Variants in TTC23 observed in about 807,000 individuals in gnomAD.
TTC23 encodes the protein tetratricopeptide repeat domain 23, also known as tetratricopeptide repeat protein 23.
In TTC23, 58 loss-of-function variants were observed where a neutral mutation model predicts 55.1. That is an observed-to-expected ratio of 1.05 (90% confidence interval 0.85 to 1.31). The LOEUF is 1.31. TTC23 is among the 50% of genes most tolerant of loss of function. TTC23 has a pLI of 0.00. For missense variants in TTC23, 516 were observed against 534.4 expected (o/e 0.97, Z 0.34); for synonymous variants, 203 against 199.9 (o/e 1.02, Z -0.13).
At chr15:99,210,515 A>C (rs970362346) in intron 8 of TTC23, among the ~76,000 whole-genome samples, 3 of 152,220 alleles carry the variant, frequency 2.0e-5, no homozygotes, top group African/African-American at 7.2e-5. Flanking sequence ...CCACAGGAGC[A>C]GCTGACAGGA....
At chr15:99,245,209 G>A (rs1489664044) in intron 2 of TTC23, among the ~76,000 whole-genome samples, 180 bp downstream of exon 2, 1 of 152,088 alleles carries the variant, frequency 6.6e-6, no homozygotes, top group Non-Finnish European at 1.5e-5. Flanking sequence ...GGTGGTACTG[G>A]CATAAGAAAT....
intron 11 of TTC23, chr15:99,160,279 G>A (rs539622241): frequency 3.9e-5 from 6 of 152,092 alleles, no homozygotes; most frequent in Admixed American, 2.6e-4. Flanking sequence ...GTCTACAGAC[G>A]GTAAGGGAAA....
At chr15:99,231,574 G>A (rs927032001) in intron 4 of TTC23, among the ~76,000 whole-genome samples, 3 of 151,752 alleles carry the variant, frequency 2.0e-5, no homozygotes, top group Non-Finnish European at 4.4e-5. Context: ...CTCACTGCAA[G>A]CTCCGCCTCC....
chr15:99,190,193 G>GA (rs1409325971), intron 9 of TTC23, among the ~76,000 whole-genome samples: 1 of 148,918 alleles, frequency 6.7e-6, no homozygotes, highest in Non-Finnish European at 1.5e-5. Context: ...AAGAAAGAAA[G>GA]AAAGAAAGAA....
At chr15:99,185,264 G>C (rs1473138048) in intron 9 of TTC23, among the ~76,000 whole-genome samples, 1 of 152,114 alleles carries the variant, frequency 6.6e-6, no homozygotes, top group Admixed American at 6.6e-5. Flanking sequence ...TAAATTGATT[G>C]CATATGTATA....
intron 12 of TTC23, among the ~76,000 whole-genome samples, chr15:99,142,515 G>A (rs1405814686): frequency 6.6e-6 from 1 of 152,144 alleles, no homozygotes; most frequent in Non-Finnish European, 1.5e-5. Flanking sequence ...CATTCACTGT[G>A]GCATTAGAGT....
Position 99,137,874 on chromosome 15 carries a change from G to T in TTC23, c.*136C>A. ...ACGGGAGGCTTATGGTCTCACTGTT[G>T]CATGTTGGGGCCAACAGTTGGCCTT... On this transcript the variant is annotated 3_prime_UTR_variant, in exon 14 of 14. Transcript: ENST00000394132. 2.9e-6 allele frequency: 4 copies of T among 1,402,092 alleles called. No individual in the cohort carries two copies. The highest frequency in any genetic ancestry group is 2.9e-6 in the Non-Finnish European group (3 of 1,030,324). The allele number at this position is 1,402,092 out of a possible 1,614,324, so 86.9% of individuals were successfully genotyped here.
intron 4 of TTC23, among the ~76,000 whole-genome samples, chr15:99,234,023 T>C (rs2079122867): frequency 6.6e-6 from 1 of 152,198 alleles, no homozygotes; most frequent in South Asian, 2.1e-4. Context: ...TCATATTATA[T>C]ACAAAAATTA....
chr15:99,182,933 A>G (rs571287277), intron 9 of TTC23, among the ~76,000 whole-genome samples: 2 of 152,350 alleles, frequency 1.3e-5, no homozygotes, highest in Admixed American at 1.3e-4. Flanking sequence ...AAATAGTATG[A>G]AAATGGACTA....
intron 8 of TTC23, among the ~76,000 whole-genome samples, chr15:99,212,623 GA>G (rs1424819899): frequency 2.0e-5 from 3 of 152,146 alleles, no homozygotes; most frequent in Non-Finnish European, 4.4e-5. Flanking sequence ...AGCCCAGGGA[GA>G]AAGGCACTGG....
chr15:99,162,700 CCT>C, intron 10 of TTC23, among the ~76,000 whole-genome samples: 1 of 152,214 alleles, frequency 6.6e-6, no homozygotes, highest in Non-Finnish European at 1.5e-5. Context: ...TAGTCCCTCC[CCT>C]GTGGTTATGG....
intron 8 of TTC23, 114 bp from the exon 9 acceptor site, chr15:99,200,210 T>A: frequency 1.0e-6 from 1 of 989,710 alleles, no homozygotes; most frequent in Non-Finnish European, 1.4e-6. Flanking sequence ...CAGGTTCGTT[T>A]CCTTGCTAAC....
intron 12 of TTC23, 49 bp downstream of exon 12, chr15:99,156,099 A>G: frequency 6.2e-7 from 1 of 1,610,020 alleles, no homozygotes; most frequent in South Asian, 1.1e-5. Flanking sequence ...TTGACCTTGG[A>G]GAGGGGAGGG....
chr15:99,211,127 C>A (rs1044850646), intron 8 of TTC23, among the ~76,000 whole-genome samples: 1 of 152,196 alleles, frequency 6.6e-6, no homozygotes, highest in African/African-American at 2.4e-5. Context: ...GTAATCCCAG[C>A]ACTTTGGGAG....
At chr15:99,187,515 A>C (rs533265948) in intron 9 of TTC23, among the ~76,000 whole-genome samples, 1 of 151,384 alleles carries the variant, frequency 6.6e-6, no homozygotes, top group Non-Finnish European at 1.5e-5. Context: ...ATCAAAATGA[A>C]AAACTTTTGT....
At chr15:99,238,055 T>C (rs2079471108) in intron 3 of TTC23, among the ~76,000 whole-genome samples, 1 of 152,184 alleles carries the variant, frequency 6.6e-6, no homozygotes, top group Non-Finnish European at 1.5e-5. Flanking sequence ...AACCTCCGCC[T>C]TCCAGGTTCA....
At chr15:99,237,203 A>G (rs1276326609) in intron 3 of TTC23, among the ~76,000 whole-genome samples, 2 of 152,012 alleles carry the variant, frequency 1.3e-5, no homozygotes, top group African/African-American at 4.8e-5. Flanking sequence ...GCTGGTCTCA[A>G]ACTCCTGACC....
At chr15:99,202,028 G>C (rs2076242163) in intron 8 of TTC23, among the ~76,000 whole-genome samples, 3 of 152,132 alleles carry the variant, frequency 2.0e-5, no homozygotes, top group African/African-American at 7.2e-5. Flanking sequence ...AGTTTTATTG[G>C]CACAATGCCA....
At chr15:99,199,507 G>A (rs2076029087) in intron 9 of TTC23, among the ~76,000 whole-genome samples, 1 of 150,944 alleles carries the variant, frequency 6.6e-6, no homozygotes, top group Non-Finnish European at 1.5e-5. Context: ...TGTTTCTCTG[G>A]AGAACTCTGA....
Sources: gnomAD v4.1 joint callset for allele counts (sites outside exome capture counted in the v4.1 genomes callset) on GRCh38, gnomAD v4.1.1 for gene constraint, MANE v1.5 for transcripts, NCBI Gene and HGNC (gene_info 2026-07-23, HGNC 2026-07-21) for gene names.